Variants in MASP1 observed in about 807,000 individuals in gnomAD.
The protein encoded by MASP1 is MBL associated serine protease 1.
Under a neutral mutation model 77.1 loss-of-function variants are expected in MASP1, and 59 were observed. The ratio of observed to expected loss-of-function variants is 0.77; its 90% CI spans 0.62 to 0.95. The LOEUF is 0.95. Ranked by LOEUF, MASP1 falls within the 40% of genes least tolerant of loss-of-function variation. The pLI is 0.00. For missense variants in MASP1, 885 were observed against 912.9 expected, an observed-to-expected ratio of 0.97 and a Z score of 0.39; for synonymous variants, 362 against 354.5, an observed-to-expected ratio of 1.02 and a Z score of -0.24.
In MASP1 at chr3:187,236,658, C is replaced by T. The variant is rs1713218298; in HGVS notation, c.1304-91G>A. Reference sequence around the variant, plus strand: ...GCCACAAAGATAAATTCACATTTCACCCACTATAGATTATGCCACCATGGG... The same window carrying T: ...GCCACAAAGATAAATTCACATTTCATCCACTATAGATTATGCCACCATGGG... On this transcript the variant is annotated intron_variant, in intron 10 of 10. Transcript: ENST00000296280. 6 of 1,609,380 alleles carry T rather than the reference C, an allele frequency of 3.7e-6. No individual in the cohort carries two copies. The East Asian group carries it at 1.1e-4, about 30-fold the overall frequency.
At chr3:187,232,212 T>A (rs1461327585), downstream of MASP1, among the ~76,000 whole-genome samples, 3 of 151,970 alleles carry the variant, frequency 2.0e-5, no homozygotes, top group Non-Finnish European at 4.4e-5. Context: ...TTTCTCCCTG[T>A]GTTTCTGATC....
At chr3:187,285,710 G>T (rs1391088001) in intron 2 of MASP1, 115 bp downstream of exon 2, 4 of 821,924 alleles carry the variant, frequency 4.9e-6, no homozygotes, top group Non-Finnish European at 8.4e-6. Context: ...TCATACCATT[G>T]TGATGTTGTG....
At chr3:187,278,817 A>T (rs1172732048) in intron 2 of MASP1, among the ~76,000 whole-genome samples, 3 of 152,170 alleles carry the variant, frequency 2.0e-5, no homozygotes, top group African/African-American at 7.2e-5. Context: ...ACTACGCTCC[A>T]CATAGTCATA....
intron 8 of MASP1, among the ~76,000 whole-genome samples, chr3:187,249,605 A>G (rs1192624061): frequency 1.3e-5 from 2 of 152,224 alleles, no homozygotes; most frequent in Admixed American, 1.3e-4. Flanking sequence ...ATTTATATAG[A>G]CTATATCATT....
At chr3:187,223,102 C>T (rs1235044782) in intron 14 of MASP1, 1 of 1,601,272 alleles carries the variant, frequency 6.2e-7, no homozygotes, top group South Asian at 1.1e-5. Context: ...GTGTCACTGT[C>T]TGTAGGTTAT....
intron 10 of MASP1, among the ~76,000 whole-genome samples, chr3:187,238,025 C>T (rs1010518166): frequency 6.6e-6 from 1 of 152,202 alleles, no homozygotes; most frequent in African/African-American, 2.4e-5. Context: ...CCTGGCCTTT[C>T]AAAGTTGAGG....
intron 7 of MASP1, 41 bp from the exon 8 acceptor site, chr3:187,250,370 G>T (rs764612172): frequency 3.2e-5 from 47 of 1,470,950 alleles, no homozygotes; most frequent in Non-Finnish European, 4.4e-5. Context: ...AGAAGGAGGT[G>T]GGGGTGGTGT....
chr3:187,271,661 T>G (rs1716527506), intron 2 of MASP1, among the ~76,000 whole-genome samples: 2 of 152,336 alleles, frequency 1.3e-5, no homozygotes, highest in African/African-American at 2.4e-5. Context: ...CTTTTTCTTC[T>G]CTTTTTACAT....
At chr3:187,260,605 A>C (rs779824874) in intron 4 of MASP1, 136 bp downstream of exon 4, 1 of 1,205,660 alleles carries the variant, frequency 8.3e-7, no homozygotes, top group Non-Finnish European at 1.2e-6. Context: ...ATCTTCATCC[A>C]TGTGGTGTCT....
At chr3:187,291,481 T>C in intron 1 of MASP1, 147 bp downstream of exon 1, 1 of 1,113,292 alleles carries the variant, frequency 9.0e-7, no homozygotes, top group Non-Finnish European at 1.4e-6. Context: ...AGCTCCCTTC[T>C]CAGAGCCCTA....
chr3:187,249,120 C>T (rs964361079), intron 8 of MASP1, among the ~76,000 whole-genome samples: 9 of 152,182 alleles, frequency 5.9e-5, no homozygotes, highest in Non-Finnish European at 1.2e-4. Context: ...TGCAGTGGCA[C>T]GATCTCGGCT....
chr3:187,250,154 G>A lies in MASP1; in HGVS notation c.1090+97C>T, dbSNP rs2302818. 239,837 of 960,262 alleles carry A rather than the reference G, an allele frequency of 0.25. 32,601 individuals are homozygous for A. Among genetic ancestry groups the A allele is most frequent in the South Asian group, 0.32 (25,106 of 77,552 alleles). The allele number at this position is 960,262 out of a possible 1,614,324, so 59.5% of individuals were successfully genotyped here. A position where few individuals can be genotyped will look rare whatever the true frequency, so the allele number is the denominator to read the frequency against. ...AATTCCTGCTCCCATCCCCCTTAGA[G>A]TGCTCCTGCCAAGCTTTCACCCTTG... On this transcript the variant is annotated intron_variant, in intron 8 of 10. Coordinates refer to ENST00000296280, the MANE Select transcript of MASP1 (RefSeq NM_139125.4).
intron 8 of MASP1, among the ~76,000 whole-genome samples, chr3:187,246,071 C>T (rs1714055270): frequency 6.6e-6 from 1 of 152,212 alleles, no homozygotes; most frequent in Admixed American, 6.5e-5. Context: ...CTGCTGCCTC[C>T]TGCTCCCAGG....
intron 7 of MASP1, 66 bp downstream of exon 7, chr3:187,251,568 G>C: frequency 1.6e-6 from 2 of 1,285,774 alleles, no homozygotes; most frequent in Non-Finnish European, 2.3e-6. Context: ...ATCTGCCCTG[G>C]GGAGGGGCAG....
Position 187,225,459 on chromosome 3 carries a change from T to A in MASP1, c.1606A>T (p.Lys536Ter). The change falls in exon 13 of 16, where the codon AAA becomes TAA. Residue 536 changes from lysine (K) to a stop codon, truncating the protein, a stop_gained. Coordinates refer to the MASP1 transcript ENST00000337774. LOFTEE classifies it high-confidence loss of function. ...TACTGGGGGTGGAGAGTGGTGTGTT[T>A]GACGCCGAGATGCTGTTCATTTTCA... 1.9e-6 allele frequency: 3 copies of A among 1,614,194 alleles called. No homozygotes were observed. Among genetic ancestry groups the A allele is most frequent in the Non-Finnish European group, 2.5e-6 (3 of 1,180,036 alleles).
At position 187,260,831 on chromosome 3, in the gene MASP1, A is replaced by G; in HGVS notation, c.457T>C (p.Cys153Arg). The G allele has an allele frequency of 1.2e-6, 2 of 1,614,192 alleles. No individual in the cohort carries two copies. Among genetic ancestry groups the G allele is most frequent in the Non-Finnish European group, 1.7e-6 (2 of 1,180,022 alleles). Residue 153 changes from cysteine (C) to arginine (R), a missense_variant, in exon 4 of 11, where the codon TGT (cysteine) becomes CGT (arginine). By Grantham distance (180) the Cys-to-Arg change is radical. Coordinates refer to ENST00000296280, the MANE Select transcript of MASP1 (RefSeq NM_139125.4). Reference sequence around the variant, plus strand: ...ATGTAGTTGTGGCAGTAGTGGTCACAGGACAGCTCCTCGTCCTCCCTCTCC... The same window carrying G: ...ATGTAGTTGTGGCAGTAGTGGTCACGGGACAGCTCCTCGTCCTCCCTCTCC... Reference protein sequence around the residue: ...CKEREDEELSCDHYCHNYIGG... With the variant: ...CKEREDEELSRDHYCHNYIGG...
chr3:187,285,715 G>T, intron 2 of MASP1, 110 bp downstream of exon 2: 1 of 844,526 alleles, frequency 1.2e-6, no homozygotes, highest in Non-Finnish European at 2.0e-6. Flanking sequence ...CCATTGTGAT[G>T]TTGTGTGTCT....
chr3:187,259,258 G>T (rs1715359195), intron 4 of MASP1, among the ~76,000 whole-genome samples: 1 of 152,154 alleles, frequency 6.6e-6, no homozygotes. Context: ...TGAAAAAGGG[G>T]TCTTGACTAT....
At position 187,235,061 on chromosome 3, in the gene MASP1, G is replaced by A. The variant is rs1713029311; in HGVS notation, c.*623C>T. ...GAAATTCCTTTAATGGGGAACATAA[G>A]GGATAAGGCTTAGACTGCAAGAAGC... On this transcript the variant is annotated 3_prime_UTR_variant, in exon 11 of 11. Coordinates refer to ENST00000296280, the MANE Select transcript of MASP1 (RefSeq NM_139125.4). 1 of 1,287,268 alleles carries A rather than the reference G, an allele frequency of 7.8e-7. No individual in the cohort carries two copies. The highest frequency in any genetic ancestry group is 1.0e-6 in the Non-Finnish European group (1 of 988,714). The allele number at this position is 1,287,268 out of a possible 1,614,324, so 79.7% of individuals were successfully genotyped here.
Sources: allele counts gnomAD v4.1 joint callset (sites outside exome capture counted in the v4.1 genomes callset), GRCh38; gene constraint gnomAD v4.1.1; transcripts MANE v1.5; gene names NCBI Gene and HGNC (gene_info 2026-07-23, HGNC 2026-07-21).